The following CSMD1 variants were observed in gnomAD, a reference collection of about 807,000 sequenced individuals.
The protein encoded by CSMD1 is CUB and Sushi multiple domains 1.
A neutral mutation model predicts 417.5 loss-of-function variants in CSMD1; 213 were observed. That is an observed-to-expected ratio of 0.51 (90% CI 0.46 to 0.57). CSMD1 has a LOEUF of 0.57. CSMD1 is among the 20% of genes least tolerant of loss of function. The pLI is 0.00. For synonymous variants in CSMD1, 2,862 were observed against 1,736.8 expected, an observed-to-expected ratio of 1.65 and a Z score of -16.11; for missense variants, 6,923 against 4,529.7, an observed-to-expected ratio of 1.53 and a Z score of -15.17.
At chr8:4,430,275 T>C (rs982323784) in intron 2 of CSMD1, among the ~76,000 whole-genome samples, 1 of 152,148 alleles carries the variant, frequency 6.6e-6, no homozygotes, top group Non-Finnish European at 1.5e-5. Flanking sequence ...TCACATCTTA[T>C]GTTTTGGTGC....
chr8:4,104,184 C>A (rs1180285871), intron 3 of CSMD1, among the ~76,000 whole-genome samples: 1 of 152,242 alleles, frequency 6.6e-6, no homozygotes, highest in Non-Finnish European at 1.5e-5. Context: ...GAATTTAGTT[C>A]ATTCTCTAGG....
intron 3 of CSMD1, among the ~76,000 whole-genome samples, chr8:4,351,783 T>G (rs1413518038): frequency 6.6e-6 from 1 of 152,062 alleles, no homozygotes; most frequent in African/African-American, 2.4e-5. Flanking sequence ...CCACTTATTT[T>G]GTGCACTTGG....
chr8:4,069,204 G>T (rs778379395), intron 3 of CSMD1, among the ~76,000 whole-genome samples: 8 of 152,114 alleles, frequency 5.3e-5, no homozygotes, highest in Non-Finnish European at 1.0e-4. Flanking sequence ...TCTGATTGAG[G>T]CGTGAATGTA....
chr8:4,857,299 C>T (rs1284062311), intron 1 of CSMD1, among the ~76,000 whole-genome samples: 1 of 147,306 alleles, frequency 6.8e-6, no homozygotes, highest in African/African-American at 2.5e-5. Flanking sequence ...CACTAAATGC[C>T]CACAAGAGAA....
intron 5 of CSMD1, among the ~76,000 whole-genome samples, chr8:3,969,260 G>T (rs1312567022): frequency 6.6e-6 from 1 of 152,132 alleles, no homozygotes; most frequent in Non-Finnish European, 1.5e-5. Flanking sequence ...GATAAATAAA[G>T]ATAAAAAGAG....
chr8:4,323,526 G>A (rs1467307226), intron 3 of CSMD1, among the ~76,000 whole-genome samples: 2 of 152,072 alleles, frequency 1.3e-5, no homozygotes, highest in Non-Finnish European at 2.9e-5. Flanking sequence ...CTGGCATAAG[G>A]ATCCTGACCA....
At chr8:4,879,056 G>T (rs184425672) in intron 1 of CSMD1, among the ~76,000 whole-genome samples, 2 of 151,972 alleles carry the variant, frequency 1.3e-5, no homozygotes, top group African/African-American at 2.4e-5. Context: ...GGTTAAGGTA[G>T]TAAGACTTGA....
Position 3,550,805 on chromosome 8 carries a change from C to T in CSMD1, c.1344+24140G>A, listed in dbSNP as rs77385826. Among the ~76,000 whole-genome samples, 704 of 152,300 alleles carry T rather than the reference C, an allele frequency of 4.6e-3. 7 individuals carry two copies. The highest frequency in any genetic ancestry group is 0.016 in the African/African-American group (667 of 41,564). On this transcript the variant is annotated intron_variant, in intron 10 of 69. Transcript: ENST00000635120. ...CTTCCTGGGTCACAGACAGGCACCT[C>T]GTGAATACTTGTTGGATGGAAGAGT...
intron 1 of CSMD1, among the ~76,000 whole-genome samples, chr8:4,901,663 T>A (rs891073239): frequency 6.6e-6 from 1 of 152,204 alleles, no homozygotes; most frequent in South Asian, 2.1e-4. Flanking sequence ...AGGCTCTTTG[T>A]AGCTTTAAAA....
chr8:4,394,376 G>A (rs182251263), intron 3 of CSMD1, among the ~76,000 whole-genome samples: 1 of 152,256 alleles, frequency 6.6e-6, no homozygotes, highest in African/African-American at 2.4e-5. Flanking sequence ...TCCATCATGA[G>A]CTCCACTAGA....
chr8:4,805,341 G>A (rs2118572), intron 1 of CSMD1, among the ~76,000 whole-genome samples: 17 of 152,104 alleles, frequency 1.1e-4, no homozygotes, highest in Non-Finnish European at 2.5e-4. Flanking sequence ...TCTGAAAATT[G>A]TGAAGCACTC....
chr8:3,449,923 C>G (rs749748283), intron 12 of CSMD1, among the ~76,000 whole-genome samples: 1 of 152,168 alleles, frequency 6.6e-6, no homozygotes, highest in Non-Finnish European at 1.5e-5. Context: ...TTAAGAAAAA[C>G]TATTGCTCCA....
chr8:4,270,895 A>G (rs1180983518), intron 3 of CSMD1, among the ~76,000 whole-genome samples: 8 of 152,034 alleles, frequency 5.3e-5, no homozygotes, highest in African/African-American at 1.7e-4. Flanking sequence ...CCTTCAACAA[A>G]CAACTCAAGG....
At chr8:3,558,205 G>GTGTCTCAA (rs1799252777) in intron 10 of CSMD1, among the ~76,000 whole-genome samples, 1 of 117,540 alleles carries the variant, frequency 8.5e-6, no homozygotes, top group Non-Finnish European at 1.7e-5. Flanking sequence ...TAGTGCCTCA[G>GTGTCTCAA]TAGTACCCCG....
At chr8:4,187,446 C>G (rs976966454) in intron 3 of CSMD1, among the ~76,000 whole-genome samples, 4 of 152,022 alleles carry the variant, frequency 2.6e-5, no homozygotes, top group Middle Eastern at 3.2e-3. Flanking sequence ...CAGGAAGAGA[C>G]CAGCCTGATC....
intron 10 of CSMD1, among the ~76,000 whole-genome samples, chr8:3,554,387 G>C (rs1033296387): frequency 6.6e-6 from 1 of 152,206 alleles, no homozygotes; most frequent in African/African-American, 2.4e-5. Flanking sequence ...TGGGATTGAG[G>C]AGGAAGACAA....
intron 3 of CSMD1, among the ~76,000 whole-genome samples, chr8:4,185,138 CAAAAAAAA>C (rs56216926): frequency 1.3e-5 from 1 of 75,120 alleles, no homozygotes. Flanking sequence ...AATTTTGCCT[CAAAAAAAA>C]AAAAAAAAAA....
chr8:4,306,651 C>T (rs1173712608), intron 3 of CSMD1, among the ~76,000 whole-genome samples: 2 of 152,064 alleles, frequency 1.3e-5, no homozygotes, highest in East Asian at 1.9e-4. Context: ...TATCCATTGT[C>T]GATCACATGT....
intron 10 of CSMD1, among the ~76,000 whole-genome samples, chr8:3,552,687 C>A (rs1240668734): frequency 2.6e-5 from 4 of 152,162 alleles, no homozygotes; most frequent in Non-Finnish European, 5.9e-5. Context: ...TCATATACTC[C>A]ATTTGGGTCT....
Sources: gnomAD v4.1 joint callset for allele counts (sites outside exome capture counted in the v4.1 genomes callset) on GRCh38, gnomAD v4.1.1 for gene constraint, MANE v1.5 for transcripts, NCBI Gene and HGNC (gene_info 2026-07-23, HGNC 2026-07-21) for gene names.